ELAPOR2: variants seen among roughly 807,000 people sequenced by gnomAD.
ELAPOR2 encodes the protein endosome-lysosome associated apoptosis and autophagy regulator family member 2.
In ELAPOR2, 89 loss-of-function variants were observed where a neutral mutation model predicts 120.7. The observed-to-expected ratio is 0.74, with a 90% CI of 0.62 to 0.88. The LOEUF (loss-of-function observed/expected upper bound fraction) is 0.88, where lower values mean the gene tolerates loss of function less well. ELAPOR2 is among the 40% of genes least tolerant of loss of function. The pLI is 0.00. For synonymous variants in ELAPOR2, 444 were observed against 444.9 expected (o/e 1.00, Z 0.03); for missense variants, 1,134 against 1,251.6 (o/e 0.91, Z 1.42).
chr7:87,043,847 A>G (rs1231808435), intron 1 of ELAPOR2, among the ~76,000 whole-genome samples: 1 of 151,662 alleles, frequency 6.6e-6, no homozygotes, highest in African/African-American at 2.4e-5. Context: ...ACATGACTGT[A>G]TATCTAGAAA....
intron 1 of ELAPOR2, among the ~76,000 whole-genome samples, chr7:87,028,389 C>A (rs757165389): frequency 6.6e-6 from 1 of 152,064 alleles, no homozygotes; most frequent in Non-Finnish European, 1.5e-5. Flanking sequence ...CTTTATTTGA[C>A]CTCTGGGACA....
chr7:86,993,606 A>C (rs1411461249), intron 1 of ELAPOR2, among the ~76,000 whole-genome samples: 1 of 152,252 alleles, frequency 6.6e-6, no homozygotes, highest in African/African-American at 2.4e-5. Flanking sequence ...ACTGTTTTAC[A>C]TTAAGGTTGA....
intron 21 of ELAPOR2, among the ~76,000 whole-genome samples, chr7:86,889,376 C>A (rs1799845702): frequency 1.3e-5 from 2 of 151,348 alleles, no homozygotes; most frequent in South Asian, 2.1e-4. Flanking sequence ...ACAGTACCCC[C>A]CACCCTATTC....
intron 2 of ELAPOR2, among the ~76,000 whole-genome samples, chr7:86,959,299 G>A (rs543647903): frequency 4.6e-5 from 7 of 152,096 alleles, no homozygotes; most frequent in South Asian, 2.1e-4. Context: ...TTTCTGATTC[G>A]TATGCCTTTT....
intron 18 of ELAPOR2, among the ~76,000 whole-genome samples, chr7:86,900,718 T>A (rs1788680155): frequency 6.6e-6 from 1 of 152,176 alleles, no homozygotes; most frequent in African/African-American, 2.4e-5. Flanking sequence ...TTGTGGAACA[T>A]CCAAATTTAA....
At chr7:86,889,570 C>CG (rs766007968) in intron 21 of ELAPOR2, among the ~76,000 whole-genome samples, 5 of 151,762 alleles carry the variant, frequency 3.3e-5, no homozygotes, top group Middle Eastern at 3.4e-3. Flanking sequence ...GATTTACTTC[C>CG]GGGGGGGACA....
chr7:86,950,420 G>T (rs1251149687), intron 2 of ELAPOR2, among the ~76,000 whole-genome samples: 3 of 152,130 alleles, frequency 2.0e-5, no homozygotes, highest in African/African-American at 7.2e-5. Context: ...AGACCTGGAA[G>T]CTCCCCAAGT....
chr7:86,937,537 T>G (rs1418848856), intron 8 of ELAPOR2, among the ~76,000 whole-genome samples: 1 of 152,130 alleles, frequency 6.6e-6, no homozygotes, highest in Admixed American at 6.6e-5. Flanking sequence ...TGTGTGCATT[T>G]TTCCTCTGGC....
chr7:86,905,200 G>GAA, intron 18 of ELAPOR2, among the ~76,000 whole-genome samples: 1 of 150,354 alleles, frequency 6.7e-6, no homozygotes, highest in South Asian at 2.1e-4. Context: ...GAGAGAGAGA[G>GAA]AGAGAAAGAG....
intron 2 of ELAPOR2, among the ~76,000 whole-genome samples, chr7:86,950,075 G>A (rs925544718): frequency 2.0e-5 from 3 of 152,190 alleles, no homozygotes; most frequent in African/African-American, 7.2e-5. Context: ...GCTGGCTGAG[G>A]CCCAGGCCCA....
intron 1 of ELAPOR2, among the ~76,000 whole-genome samples, chr7:87,012,703 G>A (rs1353422744): frequency 1.3e-5 from 2 of 152,078 alleles, no homozygotes; most frequent in African/African-American, 4.8e-5. Context: ...AAATAAAATA[G>A]GAGTTAATCT....
chr7:86,982,106 G>A (rs1792520301), intron 1 of ELAPOR2, among the ~76,000 whole-genome samples: 2 of 152,276 alleles, frequency 1.3e-5, no homozygotes, highest in South Asian at 4.1e-4. Flanking sequence ...CTGGCTCGGG[G>A]AGGGGCATCC....
At chr7:86,950,732 G>C (rs1450913176) in intron 2 of ELAPOR2, among the ~76,000 whole-genome samples, 1 of 152,230 alleles carries the variant, frequency 6.6e-6, no homozygotes, top group Non-Finnish European at 1.5e-5. Context: ...CAGGCCAGTA[G>C]AGTGAGCCAA....
At chr7:86,940,443 TC>T (rs1322411922) in intron 5 of ELAPOR2, among the ~76,000 whole-genome samples, 2 of 152,040 alleles carry the variant, frequency 1.3e-5, no homozygotes, top group Non-Finnish European at 2.9e-5. Flanking sequence ...AGGGTGAAAG[TC>T]CCTCAGCCCA....
chr7:87,041,231 G>C (rs1400092361), intron 1 of ELAPOR2, among the ~76,000 whole-genome samples: 1 of 151,976 alleles, frequency 6.6e-6, no homozygotes, highest in Admixed American at 6.5e-5. Context: ...TAGCAAGGCA[G>C]GCCAACGTTC....
chr7:87,007,578 A>G (rs561549928), intron 1 of ELAPOR2, among the ~76,000 whole-genome samples: 5 of 152,324 alleles, frequency 3.3e-5, no homozygotes, highest in African/African-American at 7.2e-5. Context: ...CACTCAGTAG[A>G]ACAAACATGC....
At chr7:86,949,573 C>T (rs1187317207) in intron 2 of ELAPOR2, among the ~76,000 whole-genome samples, 2 of 152,190 alleles carry the variant, frequency 1.3e-5, no homozygotes, top group Admixed American at 1.3e-4. Flanking sequence ...CAAGCCATGG[C>T]TGTGGACCAG....
intron 1 of ELAPOR2, among the ~76,000 whole-genome samples, chr7:86,970,082 G>A (rs1051479119): frequency 7.9e-5 from 12 of 152,116 alleles, no homozygotes; most frequent in Admixed American, 1.3e-4. Context: ...TGTAGTCTCC[G>A]GGTCTTCTAT....
chr7:87,054,733 C>A (rs71562738), intron 1 of ELAPOR2, among the ~76,000 whole-genome samples: 18,896 of 152,166 alleles, frequency 0.12, 1,328 homozygotes, highest in East Asian at 0.31. Context: ...CACTCCATCA[C>A]CACCATCTCA....
Sources: allele counts gnomAD v4.1 joint callset (sites outside exome capture counted in the v4.1 genomes callset), GRCh38; gene constraint gnomAD v4.1.1; transcripts MANE v1.5; gene names NCBI Gene and HGNC (gene_info 2026-07-23, HGNC 2026-07-21).